Variants in MCTP1 observed in about 807,000 individuals in gnomAD.
MCTP1 encodes the protein multiple C2 and transmembrane domain containing 1.
MCTP1 carries 69 observed loss-of-function variants against 120.6 expected under a neutral mutation model. The observed-to-expected ratio is 0.57, with a 90% CI of 0.47 to 0.70. The LOEUF is 0.70. Among genes scored for constraint, MCTP1 ranks in the 30% least tolerant of loss-of-function variants. The pLI is 0.00. For missense variants in MCTP1, 1,203 were observed against 1,248.8 expected (o/e 0.96, Z 0.55); for synonymous variants, 529 against 493.1 (o/e 1.07, Z -0.96).
chr5:95,165,840 G>A (rs774449885), intron 1 of MCTP1, among the ~76,000 whole-genome samples: 1 of 151,990 alleles, frequency 6.6e-6, no homozygotes, highest in Non-Finnish European at 1.5e-5. Flanking sequence ...CTTGGATCTC[G>A]ACCCACTGAC....
intron 1 of MCTP1, among the ~76,000 whole-genome samples, chr5:95,252,409 C>T (rs2152701397): frequency 6.6e-6 from 1 of 152,236 alleles, no homozygotes; most frequent in Non-Finnish European, 1.5e-5. Flanking sequence ...TTGAGAAAGA[C>T]ATTCCTGGGT....
intron 19 of MCTP1, among the ~76,000 whole-genome samples, chr5:94,778,703 C>T (rs562426541): frequency 2.4e-4 from 36 of 152,256 alleles, no homozygotes; most frequent in Non-Finnish European, 3.7e-4. Flanking sequence ...TTGAAAATTA[C>T]AGATGACAAT....
chr5:94,829,129 G>A (rs1240870276), intron 17 of MCTP1, among the ~76,000 whole-genome samples: 1 of 152,222 alleles, frequency 6.6e-6, no homozygotes, highest in African/African-American at 2.4e-5. Context: ...TGATCTGTGG[G>A]TTGTGAAGAC....
At chr5:95,150,029 C>A (rs1483229278) in intron 1 of MCTP1, among the ~76,000 whole-genome samples, 1 of 152,138 alleles carries the variant, frequency 6.6e-6, no homozygotes, top group Non-Finnish European at 1.5e-5. Context: ...GTTTCTTAGA[C>A]AATTCACTTG....
At chr5:95,072,671 C>T (rs1260229987) in intron 1 of MCTP1, among the ~76,000 whole-genome samples, 1 of 149,844 alleles carries the variant, frequency 6.7e-6, no homozygotes. Context: ...CTCAAAGTCA[C>T]AATATATGTT....
At chr5:94,917,385 A>C (rs1291679132) in intron 8 of MCTP1, among the ~76,000 whole-genome samples, 1 of 152,250 alleles carries the variant, frequency 6.6e-6, no homozygotes, top group Non-Finnish European at 1.5e-5. Flanking sequence ...TTCAAAGCAA[A>C]GAACAAAACC....
At position 94,896,945 on chromosome 5, in the gene MCTP1, G is replaced by A. The variant is rs576164492; in HGVS notation, c.1653-2110C>T. The stretch of plus-strand genomic sequence containing the variant: ...AGAGCCCACCTGAACCTGGGACTCT[G>A]GAATCCAGGATCTAGGCTTTTCTCC... On this transcript the variant is annotated intron_variant, in intron 10 of 22. Coordinates refer to ENST00000515393, the MANE Select transcript of MCTP1 (RefSeq NM_024717.7). Among the ~76,000 whole-genome samples the A allele has an allele frequency of 7.4e-4, 112 of 152,264 alleles. 1 individual carries two copies. Among genetic ancestry groups the A allele is most frequent in the African/African-American group, 2.6e-3 (109 of 41,552 alleles).
At chr5:94,830,650 A>G (rs1389492633) in intron 17 of MCTP1, among the ~76,000 whole-genome samples, 1 of 152,238 alleles carries the variant, frequency 6.6e-6, no homozygotes, top group Non-Finnish European at 1.5e-5. Context: ...CAATATGAGA[A>G]TTCATATATC....
intron 1 of MCTP1, among the ~76,000 whole-genome samples, chr5:95,127,141 G>A (rs115706388): frequency 0.012 from 1,781 of 151,920 alleles, 13 homozygotes; most frequent in Middle Eastern, 0.027. Flanking sequence ...AAATACTAAT[G>A]CCATTTGGAT....
At chr5:95,113,979 T>C (rs553951971) in intron 1 of MCTP1, among the ~76,000 whole-genome samples, 1 of 151,964 alleles carries the variant, frequency 6.6e-6, no homozygotes, top group African/African-American at 2.4e-5. Flanking sequence ...CCAGTGAGAG[T>C]TGTGAGGCCC....
chr5:94,755,355 T>C (rs1040789719), intron 19 of MCTP1, among the ~76,000 whole-genome samples: 2 of 152,174 alleles, frequency 1.3e-5, no homozygotes, highest in African/African-American at 4.8e-5. Context: ...GTGACCTCTC[T>C]AGTATTAATA....
chr5:95,123,333 C>G (rs1350492986), intron 1 of MCTP1, among the ~76,000 whole-genome samples: 2 of 151,860 alleles, frequency 1.3e-5, no homozygotes, highest in South Asian at 2.2e-4. Flanking sequence ...TGTAAAGAGT[C>G]TGATTTTTCT....
chr5:94,746,365 G>A (rs1367170298), intron 19 of MCTP1, among the ~76,000 whole-genome samples: 5 of 152,096 alleles, frequency 3.3e-5, no homozygotes, highest in African/African-American at 4.8e-5. Flanking sequence ...CGTTACTCAT[G>A]TTTGACTCAT....
At chr5:94,894,866 G>C in intron 10 of MCTP1, 31 bp from the exon 11 acceptor site, 7 of 1,162,862 alleles carry the variant, frequency 6.0e-6, no homozygotes, top group South Asian at 2.0e-5. Flanking sequence ...TCAGCAAGTG[G>C]CTTTTTTTTT....
chr5:94,815,392 CTCTA>C (rs776636745), intron 17 of MCTP1, among the ~76,000 whole-genome samples: 8 of 152,172 alleles, frequency 5.3e-5, no homozygotes, highest in Admixed American at 6.5e-5. Context: ...CAGCCAATTT[CTCTA>C]TCTATCAATT....
chr5:94,983,677 A>G lies in MCTP1; in HGVS notation c.839-30316T>C, dbSNP rs202086964. Reference sequence around the variant, plus strand: ...TGTCTGTCTGTCTGTCAATCTATCTATCTATCTATCTATCTATCTATTGGT... The same window carrying G: ...TGTCTGTCTGTCTGTCAATCTATCTGTCTATCTATCTATCTATCTATTGGT... On this transcript the variant is annotated intron_variant, in intron 2 of 22. Coordinates refer to ENST00000515393, the MANE Select transcript of MCTP1 (RefSeq NM_024717.7). 9.8e-4 allele frequency among the ~76,000 whole-genome samples: 149 copies of G among 152,124 alleles called. 1 individual carries two copies. The East Asian group carries it at 0.023, about 23-fold the overall frequency.
intron 1 of MCTP1, among the ~76,000 whole-genome samples, chr5:95,228,639 T>C (rs1463571328): frequency 4.6e-5 from 7 of 152,162 alleles, no homozygotes; most frequent in African/African-American, 1.4e-4. Context: ...AATCTCATGA[T>C]TGTAATCCCC....
intron 5 of MCTP1, among the ~76,000 whole-genome samples, chr5:94,934,781 T>C (rs2153487863): frequency 6.8e-6 from 1 of 146,246 alleles, no homozygotes; most frequent in East Asian, 2.2e-4. Context: ...ACTGAGATCA[T>C]TCATATGTTT....
At chr5:94,812,896 T>TTCTCTC (rs70978132) in intron 17 of MCTP1, among the ~76,000 whole-genome samples, 47 of 147,324 alleles carry the variant, frequency 3.2e-4, no homozygotes, top group African/African-American at 1.0e-3. Flanking sequence ...ACCAAAAGCA[T>TTCTCTC]TCTCTCTCTC....
Sources: allele counts gnomAD v4.1 joint callset (sites outside exome capture counted in the v4.1 genomes callset), GRCh38; gene constraint gnomAD v4.1.1; transcripts MANE v1.5; gene names NCBI Gene and HGNC (gene_info 2026-07-23, HGNC 2026-07-21).